Variants in NUP210 observed in about 807,000 individuals in gnomAD.
NUP210 encodes the protein nucleoporin 210.
NUP210 carries 151 observed loss-of-function variants against 196.0 expected under a neutral mutation model. The ratio of observed to expected loss-of-function variants is 0.77; its 90% confidence interval spans 0.67 to 0.88. The LOEUF (loss-of-function observed/expected upper bound fraction) is 0.88. Ranked by LOEUF, NUP210 falls within the 40% of genes least tolerant of loss-of-function variation. The pLI, the probability that NUP210 is intolerant of heterozygous loss-of-function variation, is 0.00. For missense variants in NUP210, 2,314 were observed against 2,493.7 expected, an observed-to-expected ratio of 0.93 and a Z score of 1.53; for synonymous variants, 1,070 against 1,052.7, an observed-to-expected ratio of 1.02 and a Z score of -0.32.
intron 8 of NUP210, 50 bp downstream of exon 8, chr3:13,378,862 A>G (rs1207825626): frequency 5.3e-6 from 7 of 1,332,632 alleles, no homozygotes; most frequent in East Asian, 2.3e-5. Flanking sequence ...TTAAACTCAT[A>G]TAGTCACAAC....
intron 27 of NUP210, among the ~76,000 whole-genome samples, chr3:13,336,360 C>T (rs1474096053): frequency 6.6e-6 from 1 of 152,214 alleles, no homozygotes; most frequent in Non-Finnish European, 1.5e-5. Flanking sequence ...CCTCAGTTAA[C>T]ACAGACAGAC....
At position 13,327,489 on chromosome 3, in the gene NUP210, A is replaced by G. The variant is rs762139721; in HGVS notation, c.4287-52T>C. ...CTCAGTCTCGGGAAAGAAGCTTCCA[A>G]CTCCCAAAGGGAGAAACGTAATCCA... is the stretch of plus-strand genomic sequence containing the variant. On this transcript the variant is annotated intron_variant, in intron 31 of 39. Coordinates refer to ENST00000254508, the MANE Select transcript of NUP210 (RefSeq NM_024923.4). 2.8e-5 allele frequency: 37 copies of G among 1,341,036 alleles called. No individual in the cohort carries two copies. The Admixed American group carries it at 2.9e-4, about 11-fold the overall frequency. 83.1% of individuals were successfully genotyped at this position (1,341,036 alleles called of 1,614,324 possible).
chr3:13,370,066 AG>A (rs1307182487), intron 13 of NUP210, among the ~76,000 whole-genome samples: 2 of 152,214 alleles, frequency 1.3e-5, no homozygotes, highest in Non-Finnish European at 2.9e-5. Context: ...TGGGTATTAT[AG>A]GGACAGGTCA....
intron 1 of NUP210, among the ~76,000 whole-genome samples, chr3:13,405,204 C>T (rs1699966763): frequency 6.6e-6 from 1 of 152,148 alleles, no homozygotes; most frequent in Non-Finnish European, 1.5e-5. Context: ...TAGATGCCAC[C>T]TAATGTGGGT....
chr3:13,334,065 C>T (rs998230882), intron 28 of NUP210, among the ~76,000 whole-genome samples: 3 of 152,164 alleles, frequency 2.0e-5, no homozygotes, highest in Non-Finnish European at 4.4e-5. Context: ...GGACATGCTG[C>T]ATCTTAGATT....
intron 39 of NUP210, among the ~76,000 whole-genome samples, chr3:13,318,334 A>T (rs1696358394): frequency 6.6e-6 from 1 of 152,026 alleles, no homozygotes; most frequent in Non-Finnish European, 1.5e-5. Flanking sequence ...GCAGGTAGAG[A>T]AGTCGTCAGG....
At chr3:13,404,751 A>C (rs1699951011) in intron 1 of NUP210, among the ~76,000 whole-genome samples, 1 of 152,196 alleles carries the variant, frequency 6.6e-6, no homozygotes, top group South Asian at 2.1e-4. Flanking sequence ...GCCTTAGAAA[A>C]ACCCTATAGG....
At chr3:13,408,940 C>T (rs556459483) in intron 1 of NUP210, among the ~76,000 whole-genome samples, 13 of 152,292 alleles carry the variant, frequency 8.5e-5, no homozygotes, top group South Asian at 4.1e-4. Context: ...GACCACCTGA[C>T]GGCTGCTGAG....
At chr3:13,416,251 G>A (rs9823289) in intron 1 of NUP210, among the ~76,000 whole-genome samples, 33,644 of 152,134 alleles carry the variant, frequency 0.22, 5,838 homozygotes, top group African/African-American at 0.49. Context: ...GGGCAGGAAA[G>A]GAGAAGTCTG....
chr3:13,395,491 T>C (rs530931304), intron 3 of NUP210, among the ~76,000 whole-genome samples: 1 of 152,290 alleles, frequency 6.6e-6, no homozygotes, highest in South Asian at 2.1e-4. Flanking sequence ...CTTATTTTTA[T>C]ATTTTTAGTA....
intron 1 of NUP210, among the ~76,000 whole-genome samples, chr3:13,414,554 G>A (rs781650842): frequency 3.9e-5 from 6 of 152,132 alleles, no homozygotes; most frequent in Non-Finnish European, 7.4e-5. Flanking sequence ...CCTAACCACA[G>A]CCCACAAGGT....
In NUP210 at chr3:13,347,031, T is replaced by A; in HGVS notation, c.2836-3728A>T. ...GTCTCAGGGAAAAGGTGGATGCACCTGACTTCAGGCCCTGCAATTGCCACC... is the reference window on the plus strand; with the variant it reads ...GTCTCAGGGAAAAGGTGGATGCACCAGACTTCAGGCCCTGCAATTGCCACC... On this transcript the variant is annotated intron_variant, in intron 20 of 39. Coordinates refer to ENST00000254508, the MANE Select transcript of NUP210 (RefSeq NM_024923.4). The surrounding 1 kb of genome is among the most constrained non-coding windows in gnomAD (Gnocchi z 4.7). 1.0e-6 allele frequency: 1 copy of A among 985,440 alleles called. No individual in the cohort carries two copies. Among genetic ancestry groups the A allele is most frequent in the Non-Finnish European group, 1.2e-6 (1 of 829,922 alleles). The allele number at this position is 985,440 out of a possible 1,614,324, so 61.0% of individuals were successfully genotyped here. A position where few individuals can be genotyped will look rare whatever the true frequency, so the allele number is the denominator to read the frequency against.
chr3:13,391,239 T>C lies in NUP210; in HGVS notation c.505A>G (p.Arg169Gly), dbSNP rs943771963. The change falls in exon 4 of 40, where the codon AGG (arginine) becomes GGG (glycine). Residue 169 changes from arginine to glycine, a missense_variant. Physicochemically the swap from Arg to Gly is moderately radical, Grantham distance 125 (BLOSUM62 -2). Coordinates refer to ENST00000254508, the MANE Select transcript of NUP210 (RefSeq NM_024923.4). ...AGCGCATTGTGGGAGTCTGAGAACC[T>C]GTCCGCCTCGGAGTCCTTCACAATC... ...WTIVKDSEADRFSDSHNALRI... is the reference protein window; with the variant it reads ...WTIVKDSEADGFSDSHNALRI... 2 of 1,612,916 alleles carry C rather than the reference T, an allele frequency of 1.2e-6. No homozygotes were observed. Among genetic ancestry groups the C allele is most frequent in the Non-Finnish European group, 1.7e-6 (2 of 1,179,504 alleles).
intron 31 of NUP210, among the ~76,000 whole-genome samples, chr3:13,327,718 T>C (rs973745225): frequency 6.6e-6 from 1 of 152,136 alleles, no homozygotes; most frequent in Non-Finnish European, 1.5e-5. Flanking sequence ...GAAAGGAAGC[T>C]GAGGCCCCGA....
chr3:13,420,047 C>T lies in NUP210; in HGVS notation c.167+13G>A. 7.9e-7 allele frequency: 1 copy of T among 1,262,372 alleles called. No homozygotes were observed. The highest frequency in any genetic ancestry group is 1.0e-6 in the Non-Finnish European group (1 of 988,032). 78.2% of individuals were successfully genotyped at this position (1,262,372 alleles called of 1,614,324 possible). ...GGCCCACGGCGCCCGCCCGGCCCGG[C>T]CGCGCGCCTCACCAGCGGTAGCAGC... On this transcript the variant is annotated intron_variant, in intron 1 of 39. Transcript: ENST00000254508. The surrounding 1 kb of genome is among the most constrained non-coding windows in gnomAD (Gnocchi z 4.8).
At chr3:13,353,480 G>C in intron 18 of NUP210, 74 bp downstream of exon 18, 3 of 1,224,352 alleles carry the variant, frequency 2.5e-6, no homozygotes, top group Non-Finnish European at 3.6e-6. Context: ...TGTGATACCC[G>C]GTGGAATTTA....
intron 36 of NUP210, 89 bp from the exon 37 acceptor site, chr3:13,320,068 G>C: frequency 6.1e-6 from 7 of 1,144,180 alleles, no homozygotes; most frequent in Non-Finnish European, 8.8e-6. Context: ...CGGGAGGGCT[G>C]CTCTGCATGG....
rs571275453 is a variant in NUP210, at chr3:13,401,833, G to A, written c.168-1972C>T. ...AATCCTGGGTCCTAGATTCGATCTG[G>A]GGGCAGAAAAAGGAGCCTGTACTTA... is the stretch of plus-strand genomic sequence containing the variant. On this transcript the variant is annotated intron_variant, in intron 1 of 39. Transcript: ENST00000254508. Among the ~76,000 whole-genome samples the A allele has an allele frequency of 4.6e-5, 7 of 152,108 alleles. No individual in the cohort carries two copies. The South Asian group carries it at 6.2e-4, about 14-fold the overall frequency.
intron 20 of NUP210, chr3:13,351,588 G>C: frequency 3.0e-6 from 1 of 337,862 alleles, no homozygotes; most frequent in Non-Finnish European, 5.5e-6. Context: ...CGGGGCTCAA[G>C]CAATCCTCCT....
Sources: allele counts gnomAD v4.1 joint callset (sites outside exome capture counted in the v4.1 genomes callset), GRCh38; gene constraint gnomAD v4.1.1; non-coding constraint Gnocchi (gnomAD v3.1); transcripts MANE v1.5; gene names NCBI Gene and HGNC (gene_info 2026-07-23, HGNC 2026-07-21).